The following SLC15A2 variants were observed in gnomAD, a reference collection of about 807,000 sequenced individuals.
SLC15A2 encodes kidney H(+)/peptide cotransporter.
Under a neutral mutation model 95.5 loss-of-function variants are expected in SLC15A2, and 77 were observed. The observed-to-expected ratio is 0.81, with a 90% CI of 0.67 to 0.97. The LOEUF is 0.97. Among genes scored for constraint, SLC15A2 ranks in the 50% least tolerant of loss-of-function variants. SLC15A2 has a pLI of 0.00. For synonymous variants in SLC15A2, 306 were observed against 306.9 expected (o/e 1.00, Z 0.03); for missense variants, 893 against 874.4 (o/e 1.02, Z -0.27).
intron 19 of SLC15A2, among the ~76,000 whole-genome samples, chr3:121,932,043 G>A (rs1710244046): frequency 2.0e-5 from 3 of 152,088 alleles, no homozygotes; most frequent in African/African-American, 7.2e-5. Context: ...TGGGATTACA[G>A]GCACCCACCA....
In SLC15A2 at chr3:121,922,763, T is replaced by G. The variant is rs762891735; in HGVS notation, c.781-12T>G. 6.2e-7 allele frequency: 1 copy of G among 1,607,982 alleles called. No homozygotes were observed. Among genetic ancestry groups the G allele is most frequent in the Non-Finnish European group, 8.5e-7 (1 of 1,175,020 alleles). ...TCTTTGTCTCTCCCATGATGTCTACTCTCTGCCCTAGTTTGCTATTTCCAA... is the reference window on the plus strand; with the variant it reads ...TCTTTGTCTCTCCCATGATGTCTACGCTCTGCCCTAGTTTGCTATTTCCAA... On this transcript the variant is annotated splice_polypyrimidine_tract_variant and intron_variant, in intron 8 of 21. Transcript: ENST00000489711.
At chr3:121,924,201 A>G in intron 11 of SLC15A2, 150 bp from the exon 12 acceptor site, 1 of 669,886 alleles carries the variant, frequency 1.5e-6, no homozygotes, top group Non-Finnish European at 2.6e-6. Context: ...AAATAATCTT[A>G]ACAGCAAAAT....
At chr3:121,899,752 T>C (rs930751859) in intron 3 of SLC15A2, among the ~76,000 whole-genome samples, 2 of 152,198 alleles carry the variant, frequency 1.3e-5, no homozygotes, top group East Asian at 3.8e-4. Flanking sequence ...TAATTCATAT[T>C]GTTCATATTC....
At chr3:121,933,883 T>C (rs1356776648) in intron 19 of SLC15A2, among the ~76,000 whole-genome samples, 7 of 149,418 alleles carry the variant, frequency 4.7e-5, no homozygotes, top group Non-Finnish European at 9.0e-5. Context: ...TTCTAGGGTT[T>C]TTATGGTTTT....
At position 121,940,841 on chromosome 3, in the gene SLC15A2, T is replaced by A. The variant is rs1334433008; in HGVS notation, c.2024T>A (p.Phe675Tyr). 6.2e-7 allele frequency: 1 copy of A among 1,612,012 alleles called. No individual in the cohort carries two copies. The highest frequency in any genetic ancestry group is 8.5e-7 in the Non-Finnish European group (1 of 1,179,390). ...QFSGLVQWAE[F>Y]ILFSCLLLVI... Reference sequence around the variant, plus strand: ...TATTTCCCCCTGCAGTGGGCCGAATTCATTTTGTTTTCCTGCCTCCTGCTG... The same window carrying A: ...TATTTCCCCCTGCAGTGGGCCGAATACATTTTGTTTTCCTGCCTCCTGCTG... Residue 675 changes from phenylalanine (F) to tyrosine (Y), a missense_variant, in exon 22 of 22, where the codon TTC becomes TAC. Coordinates refer to ENST00000489711, the MANE Select transcript of SLC15A2 (RefSeq NM_021082.4).
rs190956499 is a variant in SLC15A2 at position 121,913,010 on chromosome 3, C to T, written c.429-11C>T. 4.6e-5 allele frequency: 74 copies of T among 1,603,992 alleles called. No homozygotes were observed. The highest frequency in any genetic ancestry group is 6.1e-5 in the Non-Finnish European group (72 of 1,171,198). ...ATCAACATGGTTGGCATTCTCACCT[C>T]TCCATTTCAGAGTCCTATCATTGAT... On this transcript the variant is annotated splice_polypyrimidine_tract_variant and intron_variant, in intron 4 of 21. Transcript: ENST00000489711.
intron 3 of SLC15A2, among the ~76,000 whole-genome samples, chr3:121,906,689 C>T (rs1306608264): frequency 6.6e-6 from 1 of 152,214 alleles, no homozygotes. Flanking sequence ...TATTGGCCCC[C>T]ACTCTCTTCT....
At chr3:121,935,544 A>G (rs1011678704) in intron 19 of SLC15A2, among the ~76,000 whole-genome samples, 13 of 152,080 alleles carry the variant, frequency 8.5e-5, no homozygotes, top group Admixed American at 3.9e-4. Context: ...TTTCTAGTTT[A>G]TTTGTGTAGA....
At chr3:121,921,560 A>G (rs1325470413) in intron 7 of SLC15A2, among the ~76,000 whole-genome samples, 1 of 152,186 alleles carries the variant, frequency 6.6e-6, no homozygotes, top group Non-Finnish European at 1.5e-5. Flanking sequence ...GTTACATGTG[A>G]TAAACCTTCA....
chr3:121,939,254 A>T (rs1352431696), intron 19 of SLC15A2, 95 bp from the exon 20 acceptor site: 1 of 1,048,162 alleles, frequency 9.5e-7, no homozygotes, highest in Non-Finnish European at 1.3e-6. Flanking sequence ...GAATGAAAAT[A>T]CAAAAAGGAT....
rs1710501432 is a variant in SLC15A2 at position 121,943,753 on chromosome 3, T to A, written c.*2746T>A. The A allele has an allele frequency of 6.6e-6, 1 of 152,232 alleles. No individual in the cohort carries two copies. The highest frequency in any genetic ancestry group is 1.5e-5 in the Non-Finnish European group (1 of 68,038). The allele number at this position is 152,232 out of a possible 1,614,324, so 9.4% of individuals were successfully genotyped here. On this transcript the variant is annotated 3_prime_UTR_variant, in exon 22 of 22. Coordinates refer to ENST00000489711, the MANE Select transcript of SLC15A2 (RefSeq NM_021082.4). ...AGTGTACTTACACAAACCTATGGTA[T>A]AGCCTACTACACATCTAAGTTATAT...
chr3:121,928,362 T>C (rs1710162852), intron 14 of SLC15A2, 59 bp from the exon 15 acceptor site: 4 of 1,581,192 alleles, frequency 2.5e-6, no homozygotes, highest in Middle Eastern at 1.7e-4. Context: ...AGATATGTGT[T>C]GCCATTGTAT....
rs769801954 is a variant in SLC15A2, at chr3:121,913,128, T to A, written c.528+8T>A. On this transcript the variant is annotated splice_region_variant and intron_variant, in intron 5 of 21. Coordinates refer to ENST00000489711, the MANE Select transcript of SLC15A2 (RefSeq NM_021082.4). ...CAGTTTGAAGAAAAACATGTAAGAA[T>A]CCTGTTATTTTGTATTTTCAAGAAT... is the stretch of plus-strand genomic sequence containing the variant. The A allele has an allele frequency of 8.1e-6, 13 of 1,604,630 alleles. No homozygotes were observed. Among genetic ancestry groups the A allele is most frequent in the Non-Finnish European group, 1.1e-5 (13 of 1,171,878 alleles).
At chr3:121,926,605 A>G (rs1576686331) in intron 13 of SLC15A2, among the ~76,000 whole-genome samples, 1 of 152,216 alleles carries the variant, frequency 6.6e-6, no homozygotes, top group South Asian at 2.1e-4. Flanking sequence ...GCAGGGGTGG[A>G]GCCCCCAGAG....
intron 12 of SLC15A2, 74 bp from the exon 13 acceptor site, chr3:121,924,871 A>G: frequency 9.6e-7 from 1 of 1,046,216 alleles, no homozygotes; most frequent in Admixed American, 1.7e-5. Flanking sequence ...AGTGTAAACA[A>G]GCAAATGAGT....
rs768634145 is a variant in SLC15A2, at chr3:121,922,839, A to C, written c.845A>C (p.Asp282Ala). The change falls in exon 9 of 22, where the codon GAC becomes GCC. Residue 282 changes from aspartate to alanine, a missense_variant. Coordinates refer to ENST00000489711, the MANE Select transcript of SLC15A2 (RefSeq NM_021082.4). ...GDIPKRQHWL[D>A]WAAEKYPKQL... ...ATTCCAAAGCGACAGCACTGGCTAGACTGGGCGGCTGAGAAATATCCAGTA... is the reference window on the plus strand; with the variant it reads ...ATTCCAAAGCGACAGCACTGGCTAGCCTGGGCGGCTGAGAAATATCCAGTA... 2 of 1,613,840 alleles carry C rather than the reference A, an allele frequency of 1.2e-6. No individual in the cohort carries two copies. The highest frequency in any genetic ancestry group is 1.7e-6 in the Non-Finnish European group (2 of 1,179,856).
intron 8 of SLC15A2, 101 bp from the exon 9 acceptor site, chr3:121,922,674 G>T (rs1331277112): frequency 2.8e-6 from 2 of 709,856 alleles, no homozygotes; most frequent in Admixed American, 2.9e-5. Flanking sequence ...GTTGGAATAA[G>T]TCACTAGAAG....
At position 121,939,391 on chromosome 3, in the gene SLC15A2, C is replaced by A. The variant is rs754293562; in HGVS notation, c.1804C>A (p.Pro602Thr). The A allele has an allele frequency of 6.3e-7, 1 of 1,578,580 alleles. No homozygotes were observed. The highest frequency in any genetic ancestry group is 8.6e-7 in the Non-Finnish European group (1 of 1,163,094). ...GLQAWKIEDIPANKMSIAWQL... is the reference protein window; with the variant it reads ...GLQAWKIEDITANKMSIAWQL... Reference sequence around the variant, plus strand: ...TCAGGCCTGGAAGATTGAAGACATTCCAGCCAACAAAATGTCCATTGCGTG... The same window carrying A: ...TCAGGCCTGGAAGATTGAAGACATTACAGCCAACAAAATGTCCATTGCGTG... The change falls in exon 20 of 22, where the codon CCA (proline) becomes ACA (threonine). Residue 602 changes from proline (P) to threonine (T), a missense_variant. Coordinates refer to ENST00000489711, the MANE Select transcript of SLC15A2 (RefSeq NM_021082.4).
Position 121,923,224 on chromosome 3 carries a change from T to C in SLC15A2, c.960T>C (p.Gly320=). The C allele has an allele frequency of 6.2e-7, 1 of 1,613,978 alleles. No individual in the cohort carries two copies. The highest frequency in any genetic ancestry group is 8.5e-7 in the Non-Finnish European group (1 of 1,179,884). ...PMFWALLDQQ[G]SRWTLQAIRM... is the part of the protein sequence containing the mutation. ...ATAACAGGATCTGTTTGCCCTAGGGTTCACGATGGACTTTGCAAGCCATCA... is the reference window on the plus strand; with the variant it reads ...ATAACAGGATCTGTTTGCCCTAGGGCTCACGATGGACTTTGCAAGCCATCA... The change falls in exon 11 of 22, where the codon GGT becomes GGC. Residue 320 remains glycine (G), a splice_region_variant and synonymous_variant. Transcript: ENST00000489711.
Sources: gnomAD v4.1 joint callset for allele counts (sites outside exome capture counted in the v4.1 genomes callset) on GRCh38, gnomAD v4.1.1 for gene constraint, MANE v1.5 for transcripts, NCBI Gene and HGNC (gene_info 2026-07-23, HGNC 2026-07-21) for gene names.